Variants in PTPRG observed in about 807,000 individuals in gnomAD.
PTPRG encodes the protein receptor-type tyrosine-protein phosphatase gamma.
Under a neutral mutation model 165.3 loss-of-function variants are expected in PTPRG, and 102 were observed. That is an observed-to-expected ratio of 0.62 (90% CI 0.53 to 0.73). The LOEUF (loss-of-function observed/expected upper bound fraction) is 0.73. PTPRG is among the 30% of genes least tolerant of loss of function. The probability of loss-of-function intolerance (pLI) is 0.00; values close to 1 mark genes in which losing one functional copy is unlikely to be tolerated. For missense variants in PTPRG, 1,866 were observed against 1,861.4 expected (o/e 1.00, Z -0.05); for synonymous variants, 675 against 669.5 (o/e 1.01, Z -0.13).
intron 1 of PTPRG, among the ~76,000 whole-genome samples, chr3:61,629,699 T>A (rs62244388): frequency 0.096 from 14,605 of 152,192 alleles, 788 homozygotes; most frequent in Middle Eastern, 0.12. Context: ...GTAACTGATA[T>A]TGCTTTTGCG....
chr3:61,770,929 C>G (rs1424040695), intron 2 of PTPRG: 1 of 152,090 alleles, frequency 6.6e-6, no homozygotes, highest in East Asian at 1.9e-4. Context: ...TTAATTCTTT[C>G]TGGTGGGATT....
rs763898172 is a variant in PTPRG at position 62,203,460 on chromosome 3, C to T, written c.1665C>T (p.Thr555=). The change falls in exon 12 of 30, where the codon ACC becomes ACT. Residue 555 remains threonine (T), a synonymous_variant. Coordinates refer to ENST00000474889, the MANE Select transcript of PTPRG (RefSeq NM_002841.4). The surrounding 1 kb of genome is among the most constrained non-coding windows in gnomAD (Gnocchi z 6.4). ...AGGCGGCTAGGCCAGTCCTAGCCAC[C>T]ACAGAGGCCTTGGCTTCTCCAGGGC... ...SKQAARPVLA[T]TEALASPGPD... is the part of the protein sequence containing the mutation. The T allele has an allele frequency of 6.3e-7, 1 of 1,586,694 alleles. No homozygotes were observed. The highest frequency in any genetic ancestry group is 8.6e-7 in the Non-Finnish European group (1 of 1,165,836).
At chr3:61,795,473 C>G (rs1012525670) in intron 2 of PTPRG, among the ~76,000 whole-genome samples, 1 of 151,678 alleles carries the variant, frequency 6.6e-6, no homozygotes. Flanking sequence ...AACCCCATCT[C>G]TACTAAAAAT....
chr3:62,199,122 C>T (rs2106828019), intron 10 of PTPRG, among the ~76,000 whole-genome samples: 1 of 152,244 alleles, frequency 6.6e-6, no homozygotes, highest in South Asian at 2.1e-4. Context: ...AGTAGTTCCT[C>T]CTGGGAATCT....
intron 16 of PTPRG, among the ~76,000 whole-genome samples, chr3:62,256,087 T>C (rs1280733108): frequency 6.6e-6 from 1 of 152,160 alleles, no homozygotes; most frequent in Non-Finnish European, 1.5e-5. Context: ...TGTGGGTAAG[T>C]TGGTTCCTTT....
At chr3:61,864,807 G>A (rs540123116) in intron 2 of PTPRG, among the ~76,000 whole-genome samples, 17 of 152,236 alleles carry the variant, frequency 1.1e-4, no homozygotes, top group African/African-American at 3.9e-4. Context: ...AAGACCAGGG[G>A]TTCCATCTCC....
intron 7 of PTPRG, among the ~76,000 whole-genome samples, chr3:62,159,938 C>T (rs564653413): frequency 5.3e-5 from 8 of 152,220 alleles, no homozygotes; most frequent in Non-Finnish European, 1.2e-4. Context: ...AGTATTATCG[C>T]TTCAGACCTT....
chr3:61,620,569 C>G (rs116985391), intron 1 of PTPRG, among the ~76,000 whole-genome samples: 1 of 152,144 alleles, frequency 6.6e-6, no homozygotes, highest in East Asian at 1.9e-4. Flanking sequence ...GTGAATGGAG[C>G]AGTTCCAAAG....
rs150334087 is a variant in PTPRG at position 62,031,853 on chromosome 3, A to G, written c.519+28356A>G. On this transcript the variant is annotated intron_variant, in intron 4 of 29. Transcript: ENST00000474889. ...CAACTAGGTCCAAAGGCAGTGCTCCATTGAGACAGTGAGCTCTGTGGAAGT... is the reference window on the plus strand; with the variant it reads ...CAACTAGGTCCAAAGGCAGTGCTCCGTTGAGACAGTGAGCTCTGTGGAAGT... Among the ~76,000 whole-genome samples, 439 of 152,334 alleles carry G rather than the reference A, an allele frequency of 2.9e-3. 2 individuals are homozygous for G. The highest frequency in any genetic ancestry group is 0.01 in the African/African-American group (422 of 41,576).
chr3:61,897,166 G>A (rs2038379795), intron 2 of PTPRG, among the ~76,000 whole-genome samples: 1 of 151,802 alleles, frequency 6.6e-6, no homozygotes. Context: ...AGAATGTAGG[G>A]CTTAGCCCTA....
intron 1 of PTPRG, among the ~76,000 whole-genome samples, chr3:61,703,917 C>A (rs1274362596): frequency 6.6e-6 from 1 of 152,190 alleles, no homozygotes; most frequent in Non-Finnish European, 1.5e-5. Context: ...ACTCCATGGT[C>A]TACCTGCAAC....
intron 3 of PTPRG, among the ~76,000 whole-genome samples, chr3:62,002,453 A>C (rs1161833568): frequency 6.6e-6 from 1 of 150,394 alleles, no homozygotes; most frequent in Non-Finnish European, 1.5e-5. Context: ...TTCTAGAGAA[A>C]CAAAAAAAGG....
intron 2 of PTPRG, among the ~76,000 whole-genome samples, chr3:61,786,148 C>A (rs1575662494): frequency 6.6e-6 from 1 of 152,180 alleles, no homozygotes; most frequent in Non-Finnish European, 1.5e-5. Context: ...AACATATTTT[C>A]CCCCATAATC....
intron 3 of PTPRG, among the ~76,000 whole-genome samples, chr3:62,000,203 C>T (rs1012320751): frequency 6.6e-6 from 1 of 151,350 alleles, no homozygotes; most frequent in Non-Finnish European, 1.5e-5. Flanking sequence ...ATCACTTGAA[C>T]CCAGGAAGCT....
Position 62,222,479 on chromosome 3 carries a change from T to C in PTPRG, c.2288+3496T>C, listed in dbSNP as rs1046593752. On this transcript the variant is annotated intron_variant, in intron 13 of 29. Coordinates refer to ENST00000474889, the MANE Select transcript of PTPRG (RefSeq NM_002841.4). This position sits in a 1 kb window ranked among gnomAD's most constrained non-coding sequence, Gnocchi z 4.5. ...TAATAGTTCCACTTAAGTCCCAACA[T>C]GGCATCTCTTATTACTGACTTCTGT... 6.6e-6 allele frequency among the ~76,000 whole-genome samples: 1 copy of C among 152,222 alleles called. No individual in the cohort carries two copies. The highest frequency in any genetic ancestry group is 2.4e-5 in the African/African-American group (1 of 41,466).
intron 1 of PTPRG, among the ~76,000 whole-genome samples, chr3:61,573,545 A>G (rs990911833): frequency 6.6e-6 from 1 of 152,180 alleles, no homozygotes; most frequent in Non-Finnish European, 1.5e-5. Context: ...GTTTTAGTAC[A>G]TGTTCATTAA....
chr3:61,627,131 A>C (rs72874744), intron 1 of PTPRG, among the ~76,000 whole-genome samples: 4,525 of 152,116 alleles, frequency 0.03, 225 homozygotes, highest in African/African-American at 0.1. Context: ...GGGAAATTTG[A>C]GTACTGGATG....
intron 6 of PTPRG, 145 bp downstream of exon 6, chr3:62,132,813 A>G (rs1703567206): frequency 1.3e-6 from 1 of 769,464 alleles, no homozygotes; most frequent in Non-Finnish European, 2.3e-6. Flanking sequence ...CCATTATATG[A>G]TGGGTAAAGA....
intron 4 of PTPRG, among the ~76,000 whole-genome samples, chr3:62,052,028 A>T (rs1016933814): frequency 1.3e-5 from 2 of 152,216 alleles, no homozygotes; most frequent in Non-Finnish European, 2.9e-5. Context: ...TTCTGAGTAA[A>T]AAAAGGATCT....
Sources: allele counts gnomAD v4.1 joint callset (sites outside exome capture counted in the v4.1 genomes callset), GRCh38; gene constraint gnomAD v4.1.1; non-coding constraint Gnocchi (gnomAD v3.1); transcripts MANE v1.5; gene names NCBI Gene and HGNC (gene_info 2026-07-23, HGNC 2026-07-21).